Variants in TLL2 observed in about 807,000 individuals in gnomAD.
The protein encoded by TLL2 is tolloid like 2.
In TLL2, 106 loss-of-function variants were observed where a neutral mutation model predicts 123.0. The ratio of observed to expected loss-of-function variants is 0.86; its 90% CI spans 0.74 to 1.01. TLL2 has a LOEUF of 1.01. Ranked by LOEUF, TLL2 falls within the 50% of genes least tolerant of loss-of-function variation. TLL2 has a pLI of 0.00. For missense variants in TLL2, 1,332 were observed against 1,336.7 expected, an observed-to-expected ratio of 1.00 and a Z score of 0.06; for synonymous variants, 494 against 516.8, an observed-to-expected ratio of 0.96 and a Z score of 0.60.
Position 96,476,240 on chromosome 10 carries a change from A to ATATATATATATTCTTTTTTTTTTT in TLL2, c.286+4108_286+4109insAAAAAAAAAAAGAATATATATATA. ...TTTATATGTATATATATATATATAT[A>ATATATATATATTCTTTTTTTTTTT]TTTTATTTTTGTTGTTGTTGTTGTT... On this transcript the variant is annotated intron_variant, in intron 2 of 20. Coordinates refer to ENST00000357947, the MANE Select transcript of TLL2 (RefSeq NM_012465.4). 6.8e-4 allele frequency among the ~76,000 whole-genome samples: 14 copies of ATATATATATATTCTTTTTTTTTTT among 20,484 alleles called. 1 individual carries two copies. The highest frequency in any genetic ancestry group is 2.4e-3 in the African/African-American group (14 of 5,740). 13.4% of individuals were successfully genotyped at this position (20,484 alleles called of 152,430 possible). A position where few individuals can be genotyped will look rare whatever the true frequency, so the allele number is the denominator to read the frequency against.
At chr10:96,407,931 A>G (rs898526305) in intron 9 of TLL2, among the ~76,000 whole-genome samples, 1 of 152,164 alleles carries the variant, frequency 6.6e-6, no homozygotes, top group Admixed American at 6.5e-5. Flanking sequence ...TTCAAACTAG[A>G]CTGTGTTTTT....
chr10:96,487,505 T>C lies in TLL2; in HGVS notation c.176-7046A>G, dbSNP rs536704344. On this transcript the variant is annotated intron_variant, in intron 1 of 20. Coordinates refer to ENST00000357947, the MANE Select transcript of TLL2 (RefSeq NM_012465.4). ...GCTAAATCATGCTGCTATACTCATCTAACACTTACTGAGGCAGCACACGCC... is the reference window on the plus strand; with the variant it reads ...GCTAAATCATGCTGCTATACTCATCCAACACTTACTGAGGCAGCACACGCC... 4.1e-4 allele frequency among the ~76,000 whole-genome samples: 63 copies of C among 152,284 alleles called. 2 individuals carry two copies. In the South Asian group the frequency reaches 0.012, roughly 30 times the overall value.
At chr10:96,385,535 G>A (rs923205214) in intron 15 of TLL2, among the ~76,000 whole-genome samples, 1 of 152,078 alleles carries the variant, frequency 6.6e-6, no homozygotes, top group African/African-American at 2.4e-5. Flanking sequence ...GGGTGGGGAG[G>A]GGAGTCTCAG....
intron 18 of TLL2, among the ~76,000 whole-genome samples, chr10:96,374,848 G>A (rs1479142352): frequency 6.6e-6 from 1 of 151,968 alleles, no homozygotes; most frequent in Non-Finnish European, 1.5e-5. Flanking sequence ...TGCTGGGTAG[G>A]TGGCCGACTG....
At position 96,420,990 on chromosome 10, in the gene TLL2, T is replaced by C; in HGVS notation, c.889A>G (p.Ser297Gly). Residue 297 changes from serine to glycine, a missense_variant, in exon 7 of 21, where the codon AGC becomes GGC. Ser to Gly is a moderately conservative substitution (Grantham distance 56, BLOSUM62 0). Coordinates refer to ENST00000357947, the MANE Select transcript of TLL2 (RefSeq NM_012465.4). Reference protein sequence around the residue: ...SSLGETYDFDSIMHYARNTFS... With the variant: ...SSLGETYDFDGIMHYARNTFS... ...GTGTTCCGGGCGTAGTGCATGATGC[T>C]GTCAAAGTCGTATGTCTCTCCCAGA... is the stretch of plus-strand genomic sequence containing the variant. 6.2e-7 allele frequency: 1 copy of C among 1,614,130 alleles called. No individual in the cohort carries two copies. The highest frequency in any genetic ancestry group is 8.5e-7 in the Non-Finnish European group (1 of 1,180,000).
chr10:96,502,047 G>A (rs1847538230), intron 1 of TLL2, among the ~76,000 whole-genome samples: 1 of 152,188 alleles, frequency 6.6e-6, no homozygotes, highest in Non-Finnish European at 1.5e-5. Flanking sequence ...AACTTGAAAG[G>A]GGACCTGATT....
intron 2 of TLL2, among the ~76,000 whole-genome samples, chr10:96,458,780 A>G (rs1847044232): frequency 6.6e-6 from 1 of 151,834 alleles, no homozygotes; most frequent in Admixed American, 6.6e-5. Context: ...AAAAAGAAAG[A>G]AAAAAGAAAT....
At chr10:96,434,314 CA>C (rs1846772580) in intron 3 of TLL2, among the ~76,000 whole-genome samples, 1 of 152,110 alleles carries the variant, frequency 6.6e-6, no homozygotes, top group Non-Finnish European at 1.5e-5. Context: ...TTCATCATTC[CA>C]AAGAGAAACT....
intron 2 of TLL2, among the ~76,000 whole-genome samples, chr10:96,453,214 G>A (rs907752637): frequency 2.0e-5 from 3 of 152,152 alleles, no homozygotes; most frequent in South Asian, 2.1e-4. Context: ...CCAGCACTTC[G>A]GGAGGCAGAG....
chr10:96,512,523 C>G (rs778752154), intron 1 of TLL2, among the ~76,000 whole-genome samples: 4 of 152,222 alleles, frequency 2.6e-5, no homozygotes, highest in Non-Finnish European at 5.9e-5. Context: ...GCGCTCTTCC[C>G]TCCCCATTCT....
intron 2 of TLL2, among the ~76,000 whole-genome samples, chr10:96,467,067 T>C (rs537226722): frequency 6.6e-6 from 1 of 152,336 alleles, no homozygotes; most frequent in South Asian, 2.1e-4. Flanking sequence ...GCAAATGCAT[T>C]TGCAACAAAG....
At chr10:96,458,587 C>CAAAAA (rs55819031) in intron 2 of TLL2, among the ~76,000 whole-genome samples, 13 of 46,000 alleles carry the variant, frequency 2.8e-4, no homozygotes, top group Non-Finnish European at 3.8e-4. Context: ...GACTTCGTCT[C>CAAAAA]AAAAAAAAAA....
At chr10:96,463,715 C>T (rs975970090) in intron 2 of TLL2, among the ~76,000 whole-genome samples, 8 of 151,096 alleles carry the variant, frequency 5.3e-5, no homozygotes, top group East Asian at 2.0e-4. Flanking sequence ...TTGGGACCTT[C>T]GTCTACACAT....
At chr10:96,457,696 G>C (rs1399436734) in intron 2 of TLL2, among the ~76,000 whole-genome samples, 1 of 152,172 alleles carries the variant, frequency 6.6e-6, no homozygotes, top group Non-Finnish European at 1.5e-5. Context: ...AAATGCTTGG[G>C]GGGTAGGATG....
intron 1 of TLL2, among the ~76,000 whole-genome samples, chr10:96,495,330 A>G (rs569455653): frequency 2.4e-4 from 37 of 152,342 alleles, no homozygotes; most frequent in Non-Finnish European, 4.7e-4. Context: ...GAGGGATTTA[A>G]CAGGTTTAAA....
chr10:96,433,101 G>T, intron 3 of TLL2, 139 bp from the exon 4 acceptor site: 1 of 1,157,792 alleles, frequency 8.6e-7, no homozygotes. Flanking sequence ...TTCAGGGTTT[G>T]GAAGCCCTGG....
At position 96,395,865 on chromosome 10, in the gene TLL2, C is replaced by A. The variant is rs2134062690; in HGVS notation, c.1530+10G>T. 2 of 1,614,024 alleles carry A rather than the reference C, an allele frequency of 1.2e-6. No individual in the cohort carries two copies. Among genetic ancestry groups the A allele is most frequent in the Non-Finnish European group, 1.7e-6 (2 of 1,179,940 alleles). On this transcript the variant is annotated intron_variant, in intron 12 of 20. Coordinates refer to ENST00000357947, the MANE Select transcript of TLL2 (RefSeq NM_012465.4). ...CGTTTCCTTGGGAAGCCGGTCTGAG[C>A]AGCACTCACCTCAAAAGCTTGGAAG...
At chr10:96,441,292 A>T (rs964725396) in intron 3 of TLL2, among the ~76,000 whole-genome samples, 6 of 152,240 alleles carry the variant, frequency 3.9e-5, no homozygotes, top group Non-Finnish European at 8.8e-5. Context: ...CCCAAAGGTG[A>T]TGGGTGAATT....
intron 12 of TLL2, among the ~76,000 whole-genome samples, chr10:96,395,665 C>T (rs1846332916): frequency 6.6e-6 from 1 of 152,220 alleles, no homozygotes; most frequent in South Asian, 2.1e-4. Context: ...TATTCTCAAC[C>T]TCTCTTACTG....
Sources: gnomAD v4.1 joint callset for allele counts (sites outside exome capture counted in the v4.1 genomes callset) on GRCh38, gnomAD v4.1.1 for gene constraint, MANE v1.5 for transcripts, NCBI Gene and HGNC (gene_info 2026-07-23, HGNC 2026-07-21) for gene names.